LINGO2: variants seen among roughly 807,000 people sequenced by gnomAD.
LINGO2 encodes leucine rich repeat and Ig domain containing 2, also known as leucine-rich repeat and immunoglobulin-like domain-containing nogo receptor-interacting protein 2.
A neutral mutation model predicts 30.6 loss-of-function variants in LINGO2; 14 were observed. The observed-to-expected ratio is 0.46, with a 90% CI of 0.30 to 0.72. LINGO2 has a LOEUF of 0.72. Among genes scored for constraint, LINGO2 ranks in the 30% least tolerant of loss-of-function variants. The pLI is 0.07. For synonymous variants in LINGO2, 317 were observed against 288.5 expected, an observed-to-expected ratio of 1.10 and a Z score of -1.00; for missense variants, 729 against 751.7, an observed-to-expected ratio of 0.97 and a Z score of 0.35.
the LINGO2 span, among the ~76,000 whole-genome samples, chr9:28,936,769 A>G: frequency 6.6e-6 from 1 of 152,226 alleles, no homozygotes; most frequent in African/African-American, 2.4e-5. Flanking sequence ...GGTCAGTCAC[A>G]TTTGAACATA....
chr9:28,445,199 G>A (rs111875152), intron 2 of LINGO2, among the ~76,000 whole-genome samples: 5 of 152,178 alleles, frequency 3.3e-5, no homozygotes, highest in Admixed American at 1.3e-4. Context: ...AGAAGTTATC[G>A]TTATTTCTTG....
chr9:29,083,903 ATAGTAGG>A, the LINGO2 span, among the ~76,000 whole-genome samples: 1 of 152,084 alleles, frequency 6.6e-6, no homozygotes, highest in Non-Finnish European at 1.5e-5. Flanking sequence ...AGGAAGTCTC[ATAGTAGG>A]TATTATAAGT....
intron 4 of LINGO2, among the ~76,000 whole-genome samples, chr9:28,268,589 T>C (rs1302142549): frequency 6.6e-6 from 1 of 152,154 alleles, no homozygotes; most frequent in African/African-American, 2.4e-5. Flanking sequence ...ACTACAGTGA[T>C]AATTTTTCCT....
In LINGO2 at chr9:28,414,307, G is replaced by T. The variant is rs58104805; in HGVS notation, c.-278-41439C>A. ...TTTGTTCTAGCCCTTGAAGCAGGTA[G>T]AAATCCATACACAAGGCTATTGATG... is the stretch of plus-strand genomic sequence containing the variant. On this transcript the variant is annotated intron_variant, in intron 2 of 5. Coordinates refer to ENST00000379992, the Ensembl canonical transcript of LINGO2. Among the ~76,000 whole-genome samples, 984 of 152,150 alleles carry T rather than the reference G, an allele frequency of 6.5e-3. 39 individuals are homozygous for T. In the East Asian group the frequency reaches 0.093, roughly 14 times the overall value.
chr9:28,026,918 TA>T (rs1823405831), intron 4 of LINGO2, among the ~76,000 whole-genome samples: 1 of 152,192 alleles, frequency 6.6e-6, no homozygotes, highest in African/African-American at 2.4e-5. Flanking sequence ...TTTCACGACC[TA>T]GATCTCCTGT....
At chr9:28,530,433 T>TA (rs1163878479) in intron 1 of LINGO2, among the ~76,000 whole-genome samples, 3 of 151,716 alleles carry the variant, frequency 2.0e-5, no homozygotes, top group Non-Finnish European at 2.9e-5. Flanking sequence ...CCAGCAAAAA[T>TA]AAAAAAAAGT....
intron 4 of LINGO2, among the ~76,000 whole-genome samples, chr9:28,250,863 T>C (rs1822172339): frequency 6.6e-6 from 1 of 152,060 alleles, no homozygotes; most frequent in African/African-American, 2.4e-5. Flanking sequence ...TACCCAGTGA[T>C]AATGAGGCCA....
At chr9:28,562,743 G>T (rs73441463) in intron 1 of LINGO2, among the ~76,000 whole-genome samples, 9,655 of 152,034 alleles carry the variant, frequency 0.064, 460 homozygotes, top group African/African-American at 0.13. Flanking sequence ...AAAAGCTTTG[G>T]ACAGGATAGA....
At chr9:28,996,326 C>T in the LINGO2 span, among the ~76,000 whole-genome samples, 1 of 152,012 alleles carries the variant, frequency 6.6e-6, no homozygotes, top group Non-Finnish European at 1.5e-5. Context: ...GGATACCATT[C>T]ACTATGTTAA....
At chr9:29,117,958 A>G in the LINGO2 span, among the ~76,000 whole-genome samples, 5 of 152,280 alleles carry the variant, frequency 3.3e-5, no homozygotes, top group African/African-American at 1.2e-4. Context: ...TCTCTCACAT[A>G]TTTCTAAATA....
chr9:29,193,340 C>G, the LINGO2 span, among the ~76,000 whole-genome samples: 118 of 152,178 alleles, frequency 7.8e-4, no homozygotes, highest in African/African-American at 2.5e-3. Flanking sequence ...TCTGGTACAC[C>G]ATGCTCACCC....
intron 4 of LINGO2, among the ~76,000 whole-genome samples, chr9:28,210,304 C>T (rs909239220): frequency 6.6e-6 from 1 of 151,266 alleles, no homozygotes; most frequent in Non-Finnish European, 1.5e-5. Context: ...TTTTCTAGTC[C>T]CTAGACCACA....
intron 4 of LINGO2, among the ~76,000 whole-genome samples, chr9:28,105,634 G>A (rs1826564613): frequency 2.0e-5 from 3 of 152,116 alleles, no homozygotes; most frequent in Admixed American, 1.3e-4. Context: ...GGGTCTGTGG[G>A]AGGTAATTAA....
the LINGO2 span, among the ~76,000 whole-genome samples, chr9:28,684,239 G>C: frequency 7.8e-6 from 1 of 127,698 alleles, no homozygotes; most frequent in Non-Finnish European, 1.5e-5. Context: ...CCAGGCTGGA[G>C]TGCAGTGGTG....
chr9:28,385,737 T>C (rs979786907), intron 2 of LINGO2, among the ~76,000 whole-genome samples: 5 of 152,162 alleles, frequency 3.3e-5, no homozygotes, highest in African/African-American at 9.6e-5. Context: ...TATATGTGCA[T>C]GTCCTTCATT....
chr9:28,995,528 C>G, the LINGO2 span, among the ~76,000 whole-genome samples: 1 of 151,974 alleles, frequency 6.6e-6, no homozygotes. Flanking sequence ...GGGTATATAC[C>G]CAAAGGACTA....
the LINGO2 span, among the ~76,000 whole-genome samples, chr9:29,032,149 T>A: frequency 6.6e-6 from 1 of 152,162 alleles, no homozygotes; most frequent in Non-Finnish European, 1.5e-5. Context: ...ATTTGGTCCA[T>A]AAACATGCTT....
intron 4 of LINGO2, among the ~76,000 whole-genome samples, chr9:28,288,986 G>A (rs560877808): frequency 3.3e-5 from 5 of 152,250 alleles, no homozygotes; most frequent in South Asian, 4.2e-4. Context: ...TTCTATGTAT[G>A]AGCCTATAGT....
At chr9:28,983,392 G>T in the LINGO2 span, among the ~76,000 whole-genome samples, 1 of 149,894 alleles carries the variant, frequency 6.7e-6, no homozygotes, top group Non-Finnish European at 1.5e-5. Flanking sequence ...AAAGTTCATT[G>T]TCAATGGTAA....
Sources: gnomAD v4.1 joint callset for allele counts (sites outside exome capture counted in the v4.1 genomes callset) on GRCh38, gnomAD v4.1.1 for gene constraint, MANE v1.5 for transcripts, NCBI Gene and HGNC (gene_info 2026-07-23, HGNC 2026-07-21) for gene names.